CTNNA3: variants seen among roughly 807,000 people sequenced by gnomAD.
CTNNA3 encodes catenin alpha 3.
CTNNA3 carries 76 observed loss-of-function variants against 95.7 expected under a neutral mutation model. That is an observed-to-expected ratio of 0.79 (90% confidence interval 0.66 to 0.96). CTNNA3 has a LOEUF of 0.96. Ranked by LOEUF, CTNNA3 falls within the 40% of genes least tolerant of loss-of-function variation. The probability of loss-of-function intolerance (pLI) is 0.00; values close to 1 mark genes in which losing one functional copy is unlikely to be tolerated. For missense variants in CTNNA3, 1,191 were observed against 1,089.8 expected (o/e 1.09, Z -1.31); for synonymous variants, 431 against 374.4 (o/e 1.15, Z -1.74).
chr10:67,363,893 G>A (rs953519581), intron 5 of CTNNA3, among the ~76,000 whole-genome samples: 3 of 152,138 alleles, frequency 2.0e-5, no homozygotes, highest in Admixed American at 6.6e-5. Context: ...TCTTCCAGAG[G>A]TACAAAGAAG....
chr10:66,894,993 A>ACAATGAGCAGC lies in CTNNA3; in HGVS notation c.1048-119470_1048-119469insGCTGCTCATTG, dbSNP rs551423066. ...AATGAAGAAATTCACAATAAATTAT[A>ACAATGAGCAGC]TATATTTATATATAATTGTGCCATT... On this transcript the variant is annotated intron_variant, in intron 7 of 17. Coordinates refer to ENST00000433211, the MANE Select transcript of CTNNA3 (RefSeq NM_013266.4). 3.6e-3 allele frequency among the ~76,000 whole-genome samples: 530 copies of ACAATGAGCAGC among 147,330 alleles called. 2 individuals are homozygous for ACAATGAGCAGC. The highest frequency in any genetic ancestry group is 0.013 in the African/African-American group (502 of 40,110).
intron 11 of CTNNA3, among the ~76,000 whole-genome samples, chr10:66,415,603 T>A (rs548836950): frequency 1.3e-4 from 20 of 152,206 alleles, no homozygotes; most frequent in African/African-American, 4.6e-4. Context: ...GAGCAGGCAC[T>A]CTCAGCCCAC....
At chr10:65,987,665 A>T (rs2133322549) in intron 16 of CTNNA3, among the ~76,000 whole-genome samples, 1 of 152,248 alleles carries the variant, frequency 6.6e-6, no homozygotes, top group Admixed American at 6.5e-5. Flanking sequence ...CATATGATCC[A>T]GCAATCCATT....
At chr10:67,427,150 G>C (rs1721512858) in intron 5 of CTNNA3, among the ~76,000 whole-genome samples, 1 of 151,900 alleles carries the variant, frequency 6.6e-6, no homozygotes, top group South Asian at 2.1e-4. Context: ...CATCTTTTGG[G>C]GGATGTTTAA....
intron 11 of CTNNA3, among the ~76,000 whole-genome samples, chr10:66,437,236 C>T (rs993518418): frequency 2.0e-5 from 3 of 152,092 alleles, no homozygotes; most frequent in African/African-American, 7.2e-5. Context: ...TGTTGGCCTG[C>T]CTTGCTAGGT....
At chr10:66,446,929 T>C (rs966651497) in intron 11 of CTNNA3, among the ~76,000 whole-genome samples, 8 of 151,666 alleles carry the variant, frequency 5.3e-5, no homozygotes, top group Non-Finnish European at 8.8e-5. Context: ...GAAAACCCCA[T>C]CGTCTCAGCC....
intron 1 of CTNNA3, among the ~76,000 whole-genome samples, chr10:67,746,705 C>A (rs1841376537): frequency 6.6e-6 from 1 of 152,162 alleles, no homozygotes; most frequent in Admixed American, 6.5e-5. Context: ...CAGGAGATCC[C>A]ACTCATGAGC....
At chr10:66,524,609 G>C (rs1841185373) in intron 10 of CTNNA3, among the ~76,000 whole-genome samples, 1 of 152,122 alleles carries the variant, frequency 6.6e-6, no homozygotes, top group Non-Finnish European at 1.5e-5. Flanking sequence ...TAGCAGTCAA[G>C]ATCAAAGCTG....
chr10:65,957,860 T>C (rs1453161547), intron 17 of CTNNA3, among the ~76,000 whole-genome samples: 1 of 152,148 alleles, frequency 6.6e-6, no homozygotes, highest in Admixed American at 6.5e-5. Flanking sequence ...CAATTATGTG[T>C]CTTGGAACTG....
At position 66,229,676 on chromosome 10, in the gene CTNNA3, T is replaced by G. The variant is rs539749051; in HGVS notation, c.1884+50794A>C. ...GATTCTCCCCTTGTCTTTGGACAAT[T>G]TCAGTATAGTTTGCCTCAGAGGGCA... On this transcript the variant is annotated intron_variant, in intron 13 of 17. Coordinates refer to ENST00000433211, the MANE Select transcript of CTNNA3 (RefSeq NM_013266.4). Among the ~76,000 whole-genome samples, 35 of 152,284 alleles carry G rather than the reference T, an allele frequency of 2.3e-4. 1 individual carries two copies. The South Asian group carries it at 7.3e-3, about 32-fold the overall frequency.
chr10:67,504,326 G>A (rs530142202), intron 5 of CTNNA3, among the ~76,000 whole-genome samples: 11 of 148,262 alleles, frequency 7.4e-5, no homozygotes, highest in Non-Finnish European at 8.9e-5. Flanking sequence ...GATGGCAGGC[G>A]CCTGTAGTCC....
chr10:66,249,420 C>T (rs1352458136), intron 13 of CTNNA3, among the ~76,000 whole-genome samples: 1 of 152,054 alleles, frequency 6.6e-6, no homozygotes, highest in East Asian at 1.9e-4. Flanking sequence ...TCAAACAACT[C>T]TATAGGAAAA....
At chr10:67,464,392 G>C (rs1396244401) in intron 5 of CTNNA3, among the ~76,000 whole-genome samples, 1 of 152,064 alleles carries the variant, frequency 6.6e-6, no homozygotes, top group African/African-American at 2.4e-5. Context: ...TCTTTCTTGT[G>C]ACTTTTCAAA....
intron 15 of CTNNA3, among the ~76,000 whole-genome samples, chr10:66,004,351 T>C (rs1221374401): frequency 6.6e-6 from 1 of 152,222 alleles, no homozygotes; most frequent in East Asian, 1.9e-4. Context: ...TTTGGTTGAA[T>C]TTCTTTCATC....
At chr10:67,221,248 C>A (rs961789348) in intron 5 of CTNNA3, among the ~76,000 whole-genome samples, 1 of 152,170 alleles carries the variant, frequency 6.6e-6, no homozygotes, top group African/African-American at 2.4e-5. Context: ...TAAATGGGAA[C>A]TCTCTGTACC....
At chr10:66,813,600 A>T (rs190364384) in intron 7 of CTNNA3, among the ~76,000 whole-genome samples, 1 of 152,200 alleles carries the variant, frequency 6.6e-6, no homozygotes, top group Admixed American at 6.6e-5. Context: ...ATTACTGGTC[A>T]TTCGTTAATT....
At chr10:66,832,052 C>A (rs1842738079) in intron 7 of CTNNA3, among the ~76,000 whole-genome samples, 2 of 152,204 alleles carry the variant, frequency 1.3e-5, no homozygotes, top group Admixed American at 1.3e-4. Context: ...TACACAGCCA[C>A]TCATCCTGAA....
At chr10:67,730,480 C>G (rs1353645157) in intron 1 of CTNNA3, among the ~76,000 whole-genome samples, 6 of 152,080 alleles carry the variant, frequency 3.9e-5, no homozygotes, top group Non-Finnish European at 8.8e-5. Flanking sequence ...TCTGAGGAAG[C>G]TGCTGGGGTA....
intron 7 of CTNNA3, among the ~76,000 whole-genome samples, chr10:67,092,255 G>A (rs1332499508): frequency 2.6e-5 from 4 of 151,820 alleles, no homozygotes; most frequent in African/African-American, 9.7e-5. Flanking sequence ...AAAATGGGAA[G>A]ATTTCCCCTG....
Sources: allele counts gnomAD v4.1 joint callset (sites outside exome capture counted in the v4.1 genomes callset), GRCh38; gene constraint gnomAD v4.1.1; transcripts MANE v1.5; gene names NCBI Gene and HGNC (gene_info 2026-07-23, HGNC 2026-07-21).